MTMR6: variants seen among roughly 807,000 people sequenced by gnomAD.
MTMR6 encodes phosphatidylinositol-3,5-bisphosphate 3-phosphatase MTMR6.
In MTMR6, 47 loss-of-function variants were observed where a neutral mutation model predicts 80.1. The observed-to-expected ratio is 0.59, with a 90% CI of 0.46 to 0.75. MTMR6 has a LOEUF of 0.75. MTMR6 is among the 30% of genes least tolerant of loss of function. The probability of loss-of-function intolerance (pLI) is 0.00; values close to 1 mark genes in which losing one functional copy is unlikely to be tolerated. For missense variants in MTMR6, 629 were observed against 730.9 expected, an observed-to-expected ratio of 0.86 and a Z score of 1.61; for synonymous variants, 254 against 253.0, an observed-to-expected ratio of 1.00 and a Z score of -0.04.
In MTMR6 at chr13:25,253,795, C is replaced by T; in HGVS notation, c.1315G>A (p.Gly439Arg). The T allele has an allele frequency of 6.2e-7, 1 of 1,613,974 alleles. No homozygotes were observed. The highest frequency in any genetic ancestry group is 8.5e-7 in the Non-Finnish European group (1 of 1,179,972). ...TCTTCTCTTTCCTTCTGACAATTTC[C>T]AAGGAAGTTTCCAAACTGGCATGAA... is the stretch of plus-strand genomic sequence containing the variant. Reference protein sequence around the residue: ...IHSCQFGNFLGNCQKEREELK... With the variant: ...IHSCQFGNFLRNCQKEREELK... The change falls in exon 11 of 14, where the codon GGA (glycine) becomes AGA (arginine). Residue 439 changes from glycine (G) to arginine (R), a missense_variant. Physicochemically the swap from Gly to Arg is moderately radical, Grantham distance 125. Transcript: ENST00000381801.
At chr13:25,267,512 A>G (rs1957484508) in intron 3 of MTMR6, among the ~76,000 whole-genome samples, 1 of 152,204 alleles carries the variant, frequency 6.6e-6, no homozygotes, top group Non-Finnish European at 1.5e-5. Context: ...AATAGACTTA[A>G]AAGATTAATA....
intron 11 of MTMR6, among the ~76,000 whole-genome samples, chr13:25,253,534 C>A (rs1957131315): frequency 6.6e-6 from 1 of 152,156 alleles, no homozygotes; most frequent in Non-Finnish European, 1.5e-5. Flanking sequence ...GCTCTATGTA[C>A]TTTTCTGTAT....
At chr13:25,266,385 T>C in intron 3 of MTMR6, 99 bp from the exon 4 acceptor site, 1 of 1,059,472 alleles carries the variant, frequency 9.4e-7, no homozygotes, top group Non-Finnish European at 1.3e-6. Flanking sequence ...TTTTTCTCTT[T>C]ACAATCTTCA....
At chr13:25,254,070 T>C (rs1957142007) in intron 10 of MTMR6, 106 bp from the exon 11 acceptor site, 1 of 1,170,326 alleles carries the variant, frequency 8.5e-7, no homozygotes, top group Non-Finnish European at 1.2e-6. Context: ...CACTGTTACA[T>C]TAGCATGCAA....
Position 25,249,429 on chromosome 13 carries a change from C to A in MTMR6, c.1669G>T (p.Val557Phe), listed in dbSNP as rs1307975343. 1 of 1,614,032 alleles carries A rather than the reference C, an allele frequency of 6.2e-7. No homozygotes were observed. Residue 557 changes from valine (V) to phenylalanine (F), a missense_variant, in exon 14 of 14, where the codon GTT (valine) becomes TTT (phenylalanine). Physicochemically the swap from Val to Phe is conservative, Grantham distance 50. Coordinates refer to ENST00000381801, the MANE Select transcript of MTMR6 (RefSeq NM_004685.5). ...TTGAGGTTAGGTGATTCAGGATGAA[C>A]TGAATGTAACAATTCCTTGGTGAGG... ...GILTKELLHS[V>F]HPESPNLKTS...
At chr13:25,254,283 C>A in intron 10 of MTMR6, 102 bp downstream of exon 10, 1 of 831,062 alleles carries the variant, frequency 1.2e-6, no homozygotes, top group East Asian at 2.6e-5. Flanking sequence ...ACACTCTTAC[C>A]TCCCATCACG....
intron 1 of MTMR6, among the ~76,000 whole-genome samples, chr13:25,283,207 G>C (rs1382241397): frequency 6.6e-6 from 1 of 152,140 alleles, no homozygotes; most frequent in Non-Finnish European, 1.5e-5. Flanking sequence ...GCAAGAGAGT[G>C]TGGTTAAGAG....
chr13:25,274,961 T>TACATACACACAC (rs1957680163), intron 1 of MTMR6, among the ~76,000 whole-genome samples: 1 of 105,056 alleles, frequency 9.5e-6, no homozygotes, highest in East Asian at 2.9e-4. Flanking sequence ...CACACACACA[T>TACATACACACAC]ACACACACAC....
chr13:25,266,798 G>A (rs1279045655), intron 3 of MTMR6, among the ~76,000 whole-genome samples: 1 of 152,150 alleles, frequency 6.6e-6, no homozygotes, highest in Non-Finnish European at 1.5e-5. Flanking sequence ...TGAGACAATA[G>A]GATGTTACAG....
At chr13:25,282,556 T>G (rs1002410875) in intron 1 of MTMR6, among the ~76,000 whole-genome samples, 1 of 151,834 alleles carries the variant, frequency 6.6e-6, no homozygotes, top group Non-Finnish European at 1.5e-5. Context: ...TCCAAATGCA[T>G]CCGGCTTCTC....
At position 25,272,999 on chromosome 13, in the gene MTMR6, T is replaced by C. The variant is rs554030486; in HGVS notation, c.141+1072A>G. 2.2e-3 allele frequency among the ~76,000 whole-genome samples: 330 copies of C among 152,222 alleles called. 4 individuals carry two copies. The highest frequency in any genetic ancestry group is 7.5e-3 in the African/African-American group (313 of 41,530). On this transcript the variant is annotated intron_variant, in intron 2 of 13. Coordinates refer to ENST00000381801, the MANE Select transcript of MTMR6 (RefSeq NM_004685.5). ...AATTCTATTTGTAGCCCAGAACTTTTATAAAATCAATAAAAGACAAACAAC... is the reference window on the plus strand; with the variant it reads ...AATTCTATTTGTAGCCCAGAACTTTCATAAAATCAATAAAAGACAAACAAC...
At chr13:25,257,527 C>T (rs757882294) in intron 8 of MTMR6, among the ~76,000 whole-genome samples, 1 of 151,574 alleles carries the variant, frequency 6.6e-6, no homozygotes, top group Non-Finnish European at 1.5e-5. Context: ...AGAAAAAATG[C>T]CACTTCAAAG....
intron 2 of MTMR6, among the ~76,000 whole-genome samples, chr13:25,271,335 T>A (rs963927499): frequency 7.2e-5 from 11 of 152,184 alleles, no homozygotes; most frequent in African/African-American, 2.7e-4. Flanking sequence ...TTTGGCACCA[T>A]GTTCAGTCAG....
chr13:25,280,703 TA>T (rs1957823907), intron 1 of MTMR6, among the ~76,000 whole-genome samples: 1 of 151,908 alleles, frequency 6.6e-6, no homozygotes, highest in Non-Finnish European at 1.5e-5. Context: ...ACTGAAGTAC[TA>T]AGAAACTATT....
rs900491829 is a variant in MTMR6, at chr13:25,287,460, G to C, written c.-213C>G. The C allele has an allele frequency of 1.1e-5, 7 of 614,780 alleles. No homozygotes were observed. The highest frequency in any genetic ancestry group is 8.5e-5 in the East Asian group (3 of 35,088). 38.1% of individuals were successfully genotyped at this position (614,780 alleles called of 1,614,324 possible). The stretch of plus-strand genomic sequence containing the variant: ...CCCCAAACCCCGCGGCCTCCCGGGG[G>C]ACTCGGGGCAGGCAGACAGAGCGTG... On this transcript the variant is annotated 5_prime_UTR_variant, in exon 1 of 14. Transcript: ENST00000381801.
intron 11 of MTMR6, among the ~76,000 whole-genome samples, chr13:25,252,422 G>T (rs1480590372): frequency 1.3e-5 from 2 of 152,174 alleles, no homozygotes; most frequent in Non-Finnish European, 2.9e-5. Context: ...GTGTGAGTGG[G>T]TACAAAAAGG....
chr13:25,251,937 T>C lies in MTMR6; in HGVS notation c.1394A>G (p.Gln465Arg). 1 of 1,610,426 alleles carries C rather than the reference T, an allele frequency of 6.2e-7. No individual in the cohort carries two copies. Among genetic ancestry groups the C allele is most frequent in the South Asian group, 1.1e-5 (1 of 90,100 alleles). ...GTAGAGAGGATTTAAGTACTTCTTT[T>C]GGTCTTCCAAAAGAAATGGCCACAG... The part of the protein sequence containing the change: ...YSLWPFLLED[Q>R]KKYLNPLYSS... Residue 465 changes from glutamine (Q) to arginine (R), a missense_variant, in exon 12 of 14, where the codon CAA (glutamine) becomes CGA (arginine). By Grantham distance (43) the Gln-to-Arg change is conservative. Transcript: ENST00000381801. The surrounding 1 kb of genome is among the most constrained non-coding windows in gnomAD (Gnocchi z 4.1).
At chr13:25,274,939 G>GACAGACACACACACACACAT (rs141646990) in intron 1 of MTMR6, among the ~76,000 whole-genome samples, 36 of 43,026 alleles carry the variant, frequency 8.4e-4, no homozygotes, top group African/African-American at 1.7e-3. Context: ...CTAGTAGACA[G>GACAGACACACACACACACAT]ACACACACAC....
Position 25,287,455 on chromosome 13 carries a change from CG to C in MTMR6, c.-209del. On this transcript the variant is annotated 5_prime_UTR_variant, in exon 1 of 14. Transcript: ENST00000381801. Reference sequence around the variant, plus strand: ...CACTTCCCCAAACCCCGCGGCCTCCCGGGGGACTCGGGGCAGGCAGACAGAG... The same window carrying C: ...CACTTCCCCAAACCCCGCGGCCTCCCGGGGACTCGGGGCAGGCAGACAGAG... The C allele has an allele frequency of 1.6e-6, 1 of 615,422 alleles. No individual in the cohort carries two copies. Among genetic ancestry groups the C allele is most frequent in the Non-Finnish European group, 2.9e-6 (1 of 345,484 alleles). 38.1% of individuals were successfully genotyped at this position (615,422 alleles called of 1,614,324 possible). A position where few individuals can be genotyped will look rare whatever the true frequency, so the allele number is the denominator to read the frequency against.
Sources: allele counts gnomAD v4.1 joint callset (sites outside exome capture counted in the v4.1 genomes callset), GRCh38; gene constraint gnomAD v4.1.1; non-coding constraint Gnocchi (gnomAD v3.1); transcripts MANE v1.5; gene names NCBI Gene and HGNC (gene_info 2026-07-23, HGNC 2026-07-21).